The following CMSS1 variants were observed in gnomAD, a reference collection of about 807,000 sequenced individuals.
CMSS1 encodes the protein protein CMSS1.
CMSS1 carries 33 observed loss-of-function variants against 43.5 expected under a neutral mutation model. The ratio of observed to expected loss-of-function variants is 0.76; its 90% CI spans 0.57 to 1.01. The LOEUF (loss-of-function observed/expected upper bound fraction) is 1.01. CMSS1 is among the 50% of genes least tolerant of loss of function. The pLI is 0.00. For synonymous variants in CMSS1, 115 were observed against 117.2 expected, an observed-to-expected ratio of 0.98 and a Z score of 0.12; for missense variants, 313 against 326.4, an observed-to-expected ratio of 0.96 and a Z score of 0.32.
intron 1 of CMSS1, among the ~76,000 whole-genome samples, chr3:100,030,360 C>T (rs1331684749): frequency 1.3e-5 from 2 of 152,090 alleles, no homozygotes; most frequent in Non-Finnish European, 2.9e-5. Context: ...GTTGGTTTTC[C>T]ATGAAAGAAA....
chr3:99,879,082 TTAC>T (rs1705633609), intron 1 of CMSS1, among the ~76,000 whole-genome samples: 1 of 152,198 alleles, frequency 6.6e-6, no homozygotes. Context: ...AATCAGGAAT[TTAC>T]TACAAATAAG....
rs565113007 is a variant in CMSS1, at chr3:100,001,976, T to TC, written c.65-144990dup. On this transcript the variant is annotated intron_variant, in intron 1 of 9. Transcript: ENST00000421999. ...TTCATCTCCAGTGGGCTTGTCCATA[T>TC]CCCCCCCAATTCTGAAGCTTTGTTG... Among the ~76,000 whole-genome samples the TC allele has an allele frequency of 6.6e-4, 101 of 152,038 alleles. 1 individual carries two copies. The South Asian group carries it at 0.02, about 30-fold the overall frequency.
At chr3:100,100,423 A>C (rs1408696076) in intron 1 of CMSS1, among the ~76,000 whole-genome samples, 1 of 152,194 alleles carries the variant, frequency 6.6e-6, no homozygotes, top group Non-Finnish European at 1.5e-5. Context: ...AATTACTATC[A>C]TCTGGATTTT....
intron 1 of CMSS1, among the ~76,000 whole-genome samples, chr3:99,955,038 A>C (rs1327759120): frequency 6.6e-6 from 1 of 152,212 alleles, no homozygotes; most frequent in African/African-American, 2.4e-5. Context: ...GGTAAATGAA[A>C]GGGTATCTTC....
intron 1 of CMSS1, among the ~76,000 whole-genome samples, chr3:99,867,227 C>A (rs145245589): frequency 6.6e-6 from 1 of 152,280 alleles, no homozygotes; most frequent in East Asian, 1.9e-4. Context: ...CTTATACTGT[C>A]CCTGAGCAGG....
intron 1 of CMSS1, among the ~76,000 whole-genome samples, chr3:99,846,716 C>A (rs188108010): frequency 5.3e-5 from 8 of 152,336 alleles, no homozygotes; most frequent in Non-Finnish European, 1.5e-5. Context: ...GCTTTACTAT[C>A]ATGAAATTGA....
At chr3:99,855,475 A>G (rs944234590) in intron 1 of CMSS1, among the ~76,000 whole-genome samples, 49 of 152,276 alleles carry the variant, frequency 3.2e-4, no homozygotes, top group African/African-American at 1.2e-3. Flanking sequence ...TCTAATTCTC[A>G]TGACAAATTT....
At chr3:100,111,800 A>C (rs996790307) in intron 1 of CMSS1, among the ~76,000 whole-genome samples, 1 of 152,224 alleles carries the variant, frequency 6.6e-6, no homozygotes, top group African/African-American at 2.4e-5. Context: ...CAAAATGTCA[A>C]CATCCCTCAA....
intron 1 of CMSS1, among the ~76,000 whole-genome samples, chr3:100,095,626 A>G (rs1324606026): frequency 6.6e-6 from 1 of 152,170 alleles, no homozygotes. Context: ...AACCAAAATG[A>G]ATTAAAGACT....
intron 1 of CMSS1, among the ~76,000 whole-genome samples, chr3:99,992,207 A>T (rs1709544577): frequency 6.6e-6 from 1 of 151,994 alleles, no homozygotes; most frequent in Non-Finnish European, 1.5e-5. Context: ...TGCTGAATCA[A>T]ATGGTAGTTC....
intron 1 of CMSS1, among the ~76,000 whole-genome samples, chr3:99,998,839 G>A (rs528229427): frequency 1.3e-5 from 2 of 152,174 alleles, no homozygotes; most frequent in South Asian, 2.1e-4. Flanking sequence ...AAAGTAATGG[G>A]ATTACAGGCG....
intron 1 of CMSS1, among the ~76,000 whole-genome samples, chr3:99,978,988 C>T (rs1447861380): frequency 4.6e-5 from 7 of 151,972 alleles, no homozygotes; most frequent in Non-Finnish European, 5.9e-5. Context: ...TACAAAATTA[C>T]GGCTAGATAA....
At chr3:99,845,460 A>T (rs184907400) in intron 1 of CMSS1, among the ~76,000 whole-genome samples, 1 of 152,168 alleles carries the variant, frequency 6.6e-6, no homozygotes, top group Non-Finnish European at 1.5e-5. Flanking sequence ...GTGAGCCCTC[A>T]TGGACCAAAG....
intron 1 of CMSS1, among the ~76,000 whole-genome samples, chr3:99,856,415 G>A (rs1943968719): frequency 6.6e-6 from 1 of 152,136 alleles, no homozygotes; most frequent in Non-Finnish European, 1.5e-5. Flanking sequence ...AAAGACTATT[G>A]TCTTGGAGTA....
intron 1 of CMSS1, among the ~76,000 whole-genome samples, chr3:99,906,897 T>C (rs1706635407): frequency 6.6e-6 from 1 of 152,200 alleles, no homozygotes; most frequent in Non-Finnish European, 1.5e-5. Flanking sequence ...AACAGAGATA[T>C]GGTAGAGTTT....
intron 1 of CMSS1, among the ~76,000 whole-genome samples, chr3:100,077,930 A>G (rs764931309): frequency 1.3e-5 from 2 of 152,146 alleles, no homozygotes; most frequent in Non-Finnish European, 2.9e-5. Flanking sequence ...AATAATAAGG[A>G]ATTATTAAAA....
At chr3:100,005,963 ATCC>A (rs1709974014) in intron 1 of CMSS1, among the ~76,000 whole-genome samples, 1 of 152,124 alleles carries the variant, frequency 6.6e-6, no homozygotes, top group Non-Finnish European at 1.5e-5. Context: ...TGCTTTTTCA[ATCC>A]ACACATGCCA....
At chr3:100,005,393 C>A (rs558366214) in intron 1 of CMSS1, among the ~76,000 whole-genome samples, 1 of 152,196 alleles carries the variant, frequency 6.6e-6, no homozygotes, top group South Asian at 2.1e-4. Flanking sequence ...TCCCTCTACC[C>A]CCACTGTATA....
chr3:99,957,034 A>G (rs957736923), intron 1 of CMSS1, among the ~76,000 whole-genome samples: 2 of 152,250 alleles, frequency 1.3e-5, no homozygotes, highest in African/African-American at 4.8e-5. Context: ...TGCCCAAGCT[A>G]GAAATCTTGA....
Sources: gnomAD v4.1 joint callset for allele counts (sites outside exome capture counted in the v4.1 genomes callset) on GRCh38, gnomAD v4.1.1 for gene constraint, MANE v1.5 for transcripts, NCBI Gene and HGNC (gene_info 2026-07-23, HGNC 2026-07-21) for gene names.